The following MTMR4 variants were observed in gnomAD, a reference collection of about 807,000 sequenced individuals.
MTMR4 encodes phosphatidylinositol-3,5-bisphosphate 3-phosphatase MTMR4.
Under a neutral mutation model 125.5 loss-of-function variants are expected in MTMR4, and 30 were observed. The observed-to-expected ratio is 0.24, with a 90% CI of 0.18 to 0.32. The LOEUF is 0.32. MTMR4 is among the 10% of genes least tolerant of loss of function. MTMR4 has a pLI of 1.00. For missense variants in MTMR4, 1,039 were observed against 1,511.5 expected (o/e 0.69, Z 5.18); for synonymous variants, 498 against 564.5 (o/e 0.88, Z 1.67).
At chr17:58,507,444 A>T (rs908112009) in intron 7 of MTMR4, 125 bp from the exon 8 acceptor site, 10 of 748,542 alleles carry the variant, frequency 1.3e-5, no homozygotes, top group Non-Finnish European at 1.9e-5. Flanking sequence ...CATAACAGCA[A>T]CCAAAAGCCC....
rs747160012 is a variant in MTMR4 at position 58,508,765 on chromosome 17, G to C, written c.412C>G (p.Pro138Ala). The C allele has an allele frequency of 6.2e-7, 1 of 1,614,242 alleles. No individual in the cohort carries two copies. Among genetic ancestry groups the C allele is most frequent in the South Asian group, 1.1e-5 (1 of 91,092 alleles). Residue 138 changes from proline to alanine, a missense_variant, in exon 5 of 18, where the codon CCT becomes GCT. Coordinates refer to ENST00000682306, the MANE Select transcript of MTMR4 (RefSeq NM_001378067.1). This position sits in a 1 kb window ranked among gnomAD's most constrained non-coding sequence, Gnocchi z 4.8. ...LSRATARPAK[P>A]EDLFAFAYHA... is the part of the protein sequence containing the mutation. ...TAGGCAAAGGCAAAGAGGTCTTCAG[G>C]CTTGGCAGGTCTTGCTGTGGCTCGG...
Position 58,507,379 on chromosome 17 carries a change from C to T in MTMR4, c.708-60G>A. Reference sequence around the variant, plus strand: ...ATTCGAAGCCTCCAGAGGCCTACCTCAGGGGGTTAGACCAAAGTCTCTAGA... The same window carrying T: ...ATTCGAAGCCTCCAGAGGCCTACCTTAGGGGGTTAGACCAAAGTCTCTAGA... On this transcript the variant is annotated intron_variant, in intron 7 of 17. Coordinates refer to ENST00000682306, the MANE Select transcript of MTMR4 (RefSeq NM_001378067.1). The T allele has an allele frequency of 2.6e-6, 4 of 1,530,682 alleles. No individual in the cohort carries two copies. The Admixed American group carries it at 5.6e-5, about 21-fold the overall frequency. 94.8% of individuals were successfully genotyped at this position (1,530,682 alleles called of 1,614,324 possible). A position where few individuals can be genotyped will look rare whatever the true frequency, so the allele number is the denominator to read the frequency against.
At chr17:58,506,649 G>A (rs1020454484) in intron 9 of MTMR4, 94 bp downstream of exon 9, 20 of 1,496,954 alleles carry the variant, frequency 1.3e-5, no homozygotes, top group Non-Finnish European at 1.8e-5. Context: ...GGTTTGTTTG[G>A]GCTCTTTCCA....
chr17:58,507,074 C>A, intron 8 of MTMR4, 49 bp downstream of exon 8: 5 of 1,608,770 alleles, frequency 3.1e-6, no homozygotes, highest in Middle Eastern at 1.7e-4. Context: ...GCCAATGAAG[C>A]CAAGGAGGGG....
At chr17:58,498,884 C>A (rs1377865927) in intron 14 of MTMR4, among the ~76,000 whole-genome samples, 1 of 152,110 alleles carries the variant, frequency 6.6e-6, no homozygotes, top group Non-Finnish European at 1.5e-5. Context: ...GTACTTTTCA[C>A]TTCTACTCTC....
intron 14 of MTMR4, among the ~76,000 whole-genome samples, chr17:58,501,652 G>A (rs976133132): frequency 2.0e-5 from 3 of 148,852 alleles, no homozygotes; most frequent in Admixed American, 6.7e-5. Flanking sequence ...ATATGTATAC[G>A]GATATATATA....
chr17:58,494,966 G>A lies in MTMR4; in HGVS notation c.3218C>T (p.Pro1073Leu), dbSNP rs769262124. 5 of 1,614,184 alleles carry A rather than the reference G, an allele frequency of 3.1e-6. No homozygotes were observed. The highest frequency in any genetic ancestry group is 4.2e-6 in the Non-Finnish European group (5 of 1,180,024). The change falls in exon 15 of 18, where the codon CCA (proline) becomes CTA (leucine). Residue 1073 changes from proline to leucine, a missense_variant. Physicochemically the swap from Pro to Leu is moderately conservative, Grantham distance 98. Around this residue, in one of 6 missense-constraint regions of MTMR4, gnomAD observed 619 missense variants for 714.5 expected, o/e 0.87. Transcript: ENST00000682306. Reference sequence around the variant, plus strand: ...CTCATAGTCCATGGGGGGCTCTGCTGGAGGGGCACAGCAGTGACGGATGTC... The same window carrying A: ...CTCATAGTCCATGGGGGGCTCTGCTAGAGGGGCACAGCAGTGACGGATGTC... ...RLDIRHCCAP[P>L]AEPPMDYEDD... is the part of the protein sequence containing the mutation.
At chr17:58,514,217 A>C in intron 1 of MTMR4, 146 bp downstream of exon 1, 1 of 712,872 alleles carries the variant, frequency 1.4e-6, no homozygotes, top group Non-Finnish European at 1.7e-6. Flanking sequence ...TCCAAGAAAT[A>C]AAAGGGTTAA....
chr17:58,505,682 T>G, intron 9 of MTMR4, 99 bp from the exon 10 acceptor site: 1 of 684,466 alleles, frequency 1.5e-6, no homozygotes, highest in Non-Finnish European at 2.6e-6. Context: ...CTGAAGCGGT[T>G]GGATCACCTG....
At position 58,502,249 on chromosome 17, in the gene MTMR4, C is replaced by G. The variant is rs146539980; in HGVS notation, c.1853+1495G>C. On this transcript the variant is annotated intron_variant, in intron 14 of 17. Transcript: ENST00000682306. ...TTGGCTTACTGCAATCTCCACCCCC[C>G]CAGATTCAAGCGATTCTTATGCCTC... Among the ~76,000 whole-genome samples the G allele has an allele frequency of 1.5e-4, 23 of 151,452 alleles. No individual in the cohort carries two copies. The East Asian group carries it at 3.1e-3, about 21-fold the overall frequency.
In MTMR4 at chr17:58,504,979, A is replaced by G. The variant is rs571881832; in HGVS notation, c.1146-5T>C. On this transcript the variant is annotated splice_region_variant and splice_polypyrimidine_tract_variant and intron_variant, in intron 10 of 17. Transcript: ENST00000682306. The surrounding 1 kb of genome is among the most constrained non-coding windows in gnomAD (Gnocchi z 7.1). ...CTCTCCAGTGCCGACAACCAGCTACACAAAAGCAGACATCAAGTCGGTCAC... is the reference window on the plus strand; with the variant it reads ...CTCTCCAGTGCCGACAACCAGCTACGCAAAAGCAGACATCAAGTCGGTCAC... The G allele has an allele frequency of 1.3e-6, 2 of 1,591,538 alleles. No individual in the cohort carries two copies. The highest frequency in any genetic ancestry group is 1.7e-5 in the Admixed American group (1 of 58,112).
rs1975313339 is a variant in MTMR4, at chr17:58,491,519, T to G, written c.*144A>C. 1 of 841,438 alleles carries G rather than the reference T, an allele frequency of 1.2e-6. No homozygotes were observed. The highest frequency in any genetic ancestry group is 1.7e-5 in the African/African-American group (1 of 57,644). The allele number at this position is 841,438 out of a possible 1,614,324, so 52.1% of individuals were successfully genotyped here. ...CTAAATTGCAATTCCTCTGCTCCAG[T>G]TTCATGATACCAAGGAGGATTTCTC... is the stretch of plus-strand genomic sequence containing the variant. On this transcript the variant is annotated 3_prime_UTR_variant, in exon 18 of 18. Coordinates refer to ENST00000682306, the MANE Select transcript of MTMR4 (RefSeq NM_001378067.1).
Position 58,514,547 on chromosome 17 carries a change from G to C in MTMR4, c.-140C>G. 1.0e-6 allele frequency: 1 copy of C among 985,140 alleles called. No individual in the cohort carries two copies. Among genetic ancestry groups the C allele is most frequent in the Non-Finnish European group, 1.2e-6 (1 of 829,882 alleles). The allele number at this position is 985,140 out of a possible 1,614,324, so 61.0% of individuals were successfully genotyped here. A position where few individuals can be genotyped will look rare whatever the true frequency, so the allele number is the denominator to read the frequency against. On this transcript the variant is annotated 5_prime_UTR_variant, in exon 1 of 18. Transcript: ENST00000682306. Reference sequence around the variant, plus strand: ...CAAGAGGCTAGGGCGCTGGTGGCCGGGCCTCCGCGCGGCTCCCGCGCGCCT... The same window carrying C: ...CAAGAGGCTAGGGCGCTGGTGGCCGCGCCTCCGCGCGGCTCCCGCGCGCCT...
chr17:58,496,298 A>G lies in MTMR4; in HGVS notation c.1886T>C (p.Leu629Pro). Reference sequence around the variant, plus strand: ...GGGGCTGCTTGTGTCACAGGCAGAAAGAAGATCATCCATGGATCTGGTTTT... The same window carrying G: ...GGGGCTGCTTGTGTCACAGGCAGAAGGAAGATCATCCATGGATCTGGTTTT... ...LPKTRSMDDL[L>P]SACDTSSPLT... The change falls in exon 15 of 18, where the codon CTT becomes CCT. Residue 629 changes from leucine to proline, a missense_variant. This residue lies in a region of MTMR4 where 619 missense variants were observed against 714.5 expected (regional missense o/e 0.87). Transcript: ENST00000682306. 1 of 1,612,284 alleles carries G rather than the reference A, an allele frequency of 6.2e-7. No individual in the cohort carries two copies.
rs1975448520 is a variant in MTMR4, at chr17:58,495,773, G to A, written c.2411C>T (p.Pro804Leu). 6.2e-7 allele frequency: 1 copy of A among 1,614,042 alleles called. No individual in the cohort carries two copies. The highest frequency in any genetic ancestry group is 1.3e-5 in the African/African-American group (1 of 74,914). ...ESSQNSPTGTPQQAQPDSMLG... is the reference protein window; with the variant it reads ...ESSQNSPTGTLQQAQPDSMLG... Reference sequence around the variant, plus strand: ...CATGGAGTCTGGCTGGGCCTGTTGGGGCGTACCTGTAGGAGAGTTCTGGGA... The same window carrying A: ...CATGGAGTCTGGCTGGGCCTGTTGGAGCGTACCTGTAGGAGAGTTCTGGGA... The change falls in exon 15 of 18, where the codon CCC (proline) becomes CTC (leucine). Residue 804 changes from proline (P) to leucine (L), a missense_variant. By Grantham distance (98) the Pro-to-Leu change is moderately conservative. Around this residue, in one of 6 missense-constraint regions of MTMR4, gnomAD observed 619 missense variants for 714.5 expected, o/e 0.87. Transcript: ENST00000682306.
chr17:58,506,950 A>C (rs1975792557), intron 8 of MTMR4, 79 bp from the exon 9 acceptor site: 1 of 1,570,876 alleles, frequency 6.4e-7, no homozygotes, highest in Admixed American at 1.8e-5. Context: ...TCCCTCTCAG[A>C]AGGCAGAACA....
At chr17:58,515,114 C>A (rs1053566113), upstream of MTMR4, 3 of 929,042 alleles carry the variant, frequency 3.2e-6, no homozygotes, top group African/African-American at 5.4e-5. Context: ...TTTATTCCAA[C>A]GCCCCTACCC....
rs372729195 is a variant in MTMR4, at chr17:58,506,116, TAGAA to T, written c.1034-537_1034-534del. On this transcript the variant is annotated intron_variant, in intron 9 of 17. Coordinates refer to ENST00000682306, the MANE Select transcript of MTMR4 (RefSeq NM_001378067.1). Reference sequence around the variant, plus strand: ...AGTAATGACAAATGATAGCAGTACTTAGAAAGACAATATATAATCAATTCTCAAT... The same window carrying T: ...AGTAATGACAAATGATAGCAGTACTTAGACAATATATAATCAATTCTCAAT... Among the ~76,000 whole-genome samples the T allele has an allele frequency of 3.7e-3, 570 of 152,354 alleles. 7 individuals carry two copies. Among genetic ancestry groups the T allele is most frequent in the African/African-American group, 0.013 (557 of 41,578 alleles).
At position 58,505,410 on chromosome 17, in the gene MTMR4, C is replaced by G. The variant is rs758690061; in HGVS notation, c.1145+62G>C. 1.6e-5 allele frequency: 23 copies of G among 1,406,998 alleles called. No homozygotes were observed. The Middle Eastern group carries it at 5.4e-4, about 33-fold the overall frequency. 87.2% of individuals were successfully genotyped at this position (1,406,998 alleles called of 1,614,324 possible). On this transcript the variant is annotated intron_variant, in intron 10 of 17. Coordinates refer to ENST00000682306, the MANE Select transcript of MTMR4 (RefSeq NM_001378067.1). ...CTTCTCATCTCCCCATCTAATCTTC[C>G]AAGAATAAGAGGTACTGGGTAAGGA...
Sources: allele counts gnomAD v4.1 joint callset (sites outside exome capture counted in the v4.1 genomes callset), GRCh38; gene constraint gnomAD v4.1.1; regional missense constraint gnomAD v4.1.1; non-coding constraint Gnocchi (gnomAD v3.1); transcripts MANE v1.5; gene names NCBI Gene and HGNC (gene_info 2026-07-23, HGNC 2026-07-21).